Variants in TRPA1 observed in about 807,000 individuals in gnomAD.
The protein encoded by TRPA1 is ankyrin-like with transmembrane domains 1.
Under a neutral mutation model 131.3 loss-of-function variants are expected in TRPA1, and 129 were observed. That is an observed-to-expected ratio of 0.98 (90% CI 0.85 to 1.14). TRPA1 has a LOEUF of 1.14. Ranked by LOEUF, TRPA1 falls within the 50% of genes most tolerant of loss-of-function variation. The pLI, the probability that TRPA1 is intolerant of heterozygous loss-of-function variation, is 0.00. For missense variants in TRPA1, 1,304 were observed against 1,354.2 expected (o/e 0.96, Z 0.58); for synonymous variants, 441 against 451.7 (o/e 0.98, Z 0.30).
chr8:72,028,300 G>T (rs1811677594), intron 24 of TRPA1, among the ~76,000 whole-genome samples: 1 of 152,172 alleles, frequency 6.6e-6, no homozygotes, highest in Non-Finnish European at 1.5e-5. Flanking sequence ...TTTCTTTGCT[G>T]GTTTTGAATA....
In TRPA1 at chr8:72,071,778, C is replaced by G; in HGVS notation, c.201G>C (p.Leu67Phe). Residue 67 changes from leucine to phenylalanine, a missense_variant, in exon 2 of 27, where the codon TTG (leucine) becomes TTC (phenylalanine). Transcript: ENST00000262209. ...TTTGGCCTTCTGCTGCAGCATAATG[C>G]AAGAAGAAGGTGTCCATATCGTCAC... is the stretch of plus-strand genomic sequence containing the variant. Reference protein sequence around the residue: ...KRCDDMDTFFLHYAAAEGQIE... With the variant: ...KRCDDMDTFFFHYAAAEGQIE... 1 of 1,613,630 alleles carries G rather than the reference C, an allele frequency of 6.2e-7. No homozygotes were observed. Among genetic ancestry groups the G allele is most frequent in the Non-Finnish European group, 8.5e-7 (1 of 1,179,812 alleles).
rs191346758 is a variant in TRPA1 at position 72,069,334 on chromosome 8, C to T, written c.269-136G>A. On this transcript the variant is annotated intron_variant, in intron 2 of 26. Transcript: ENST00000262209. ...CATCTTTTTATGGAAACTAAAAACA[C>T]AGCTTCAGTTCTAACGAAACATTTA... The T allele has an allele frequency of 6.8e-4, 573 of 844,536 alleles. No homozygotes were observed. In the African/African-American group the frequency reaches 8.3e-3, roughly 12 times the overall value. 52.3% of individuals were successfully genotyped at this position (844,536 alleles called of 1,614,324 possible). A position where few individuals can be genotyped will look rare whatever the true frequency, so the allele number is the denominator to read the frequency against.
chr8:72,032,419 C>A (rs1043545456), intron 23 of TRPA1, among the ~76,000 whole-genome samples: 2 of 152,184 alleles, frequency 1.3e-5, no homozygotes, highest in African/African-American at 4.8e-5. Context: ...ATTGAAAGAA[C>A]TGAGGAAAAA....
intron 17 of TRPA1, among the ~76,000 whole-genome samples, chr8:72,040,440 A>T (rs1435496118): frequency 1.3e-5 from 2 of 152,116 alleles, no homozygotes; most frequent in African/African-American, 4.8e-5. Flanking sequence ...GTGAGCATGT[A>T]GCCAAAATCA....
At chr8:72,025,364 G>A (rs549488152) in intron 25 of TRPA1, among the ~76,000 whole-genome samples, 3 of 152,134 alleles carry the variant, frequency 2.0e-5, no homozygotes, top group Non-Finnish European at 4.4e-5. Flanking sequence ...CTGTGAAGAA[G>A]GTGCCTTGCT....
intron 23 of TRPA1, 123 bp from the exon 24 acceptor site, chr8:72,030,092 T>G: frequency 1.1e-6 from 1 of 900,772 alleles, no homozygotes; most frequent in Non-Finnish European, 1.8e-6. Flanking sequence ...AGTGTATAAA[T>G]AGCATAAGTT....
In TRPA1 at chr8:72,075,370, T is replaced by C. The variant is rs766126346; in HGVS notation, c.40A>G (p.Lys14Glu). The C allele has an allele frequency of 1.2e-6, 2 of 1,611,640 alleles. No homozygotes were observed. The highest frequency in any genetic ancestry group is 8.5e-7 in the Non-Finnish European group (1 of 1,179,798). Residue 14 changes from lysine to glutamate, a missense_variant, in exon 1 of 27, where the codon AAG becomes GAG. By Grantham distance (56) the Lys-to-Glu change is moderately conservative. Transcript: ENST00000262209. ...SLRKMWRPGEKKEPQGVVYED... is the reference protein window; with the variant it reads ...SLRKMWRPGEEKEPQGVVYED... ...TAGACAACGCCCTGGGGCTCCTTCT[T>C]TTCTCCAGGGCGCCACATCTTCCTC...
upstream of TRPA1, among the ~76,000 whole-genome samples, chr8:72,080,456 G>C (rs76256339): frequency 7.3e-3 from 1,112 of 151,532 alleles, 18 homozygotes; most frequent in African/African-American, 0.025. Context: ...CTTTTCATAT[G>C]TTACTGGATT....
chr8:72,081,978 T>C, the TRPA1 span, among the ~76,000 whole-genome samples: 1 of 151,940 alleles, frequency 6.6e-6, no homozygotes, highest in Admixed American at 6.5e-5. Context: ...ATCATTGACA[T>C]TTAATATGAT....
the TRPA1 span, among the ~76,000 whole-genome samples, chr8:72,089,119 T>C: frequency 7.4e-6 from 1 of 135,688 alleles, no homozygotes; most frequent in East Asian, 1.9e-4. Context: ...ATTTTATTAC[T>C]TAACTTAATC....
chr8:72,063,771 A>G (rs1010129666), intron 4 of TRPA1, among the ~76,000 whole-genome samples, 200 bp from the exon 5 acceptor site: 2 of 152,210 alleles, frequency 1.3e-5, no homozygotes, highest in African/African-American at 4.8e-5. Context: ...GATATTTTAT[A>G]TCTTCCAAAG....
At chr8:72,025,925 T>C (rs369103071) in intron 25 of TRPA1, 35 bp downstream of exon 25, 1 of 1,547,988 alleles carries the variant, frequency 6.5e-7, no homozygotes, top group Non-Finnish European at 8.9e-7. Context: ...AACAGTGTCA[T>C]GTTACTGATG....
chr8:72,039,888 G>C (rs1358602773), intron 17 of TRPA1, 91 bp from the exon 18 acceptor site: 1 of 876,214 alleles, frequency 1.1e-6, no homozygotes, highest in Non-Finnish European at 1.9e-6. Flanking sequence ...TTATAACTGT[G>C]TTTGGTATTG....
rs964400098 is a variant in TRPA1, at chr8:72,039,002, T to C, written c.2158A>G (p.Met720Val). 6.2e-6 allele frequency: 10 copies of C among 1,612,754 alleles called. No homozygotes were observed. The African/African-American group carries it at 9.4e-5, about 15-fold the overall frequency. ...AGACAGTAAGATCCTAAATTCATCATATGAGCTCTAAATCCATAAGCCAAC... is the reference window on the plus strand; with the variant it reads ...AGACAGTAAGATCCTAAATTCATCACATGAGCTCTAAATCCATAAGCCAAC... The part of the protein sequence containing the change: ...KWLAYGFRAH[M>V]MNLGSYCLGL... The change falls in exon 19 of 27, where the codon ATG (methionine) becomes GTG (valine). Residue 720 changes from methionine (M) to valine (V), a missense_variant. Transcript: ENST00000262209.
At chr8:72,031,596 A>C (rs1176820829) in intron 23 of TRPA1, among the ~76,000 whole-genome samples, 1 of 150,710 alleles carries the variant, frequency 6.6e-6, no homozygotes. Context: ...CAAAAAAACA[A>C]AAAAAAAACA....
At chr8:72,084,647 A>ATTTTTTTTTT in the TRPA1 span, among the ~76,000 whole-genome samples, 4 of 104,990 alleles carry the variant, frequency 3.8e-5, no homozygotes, top group Non-Finnish European at 7.4e-5. Context: ...TAAAATGATA[A>ATTTTTTTTTT]TTTTTTTTTT....
intron 8 of TRPA1, among the ~76,000 whole-genome samples, chr8:72,059,162 T>C (rs140519476): frequency 4.4e-4 from 67 of 152,334 alleles, no homozygotes; most frequent in Non-Finnish European, 7.9e-4. Context: ...AACACTGATA[T>C]GGATATCCAA....
rs1164142457 is a variant in TRPA1 at position 72,052,622 on chromosome 8, A to G, written c.1788T>C (p.Val596=). Residue 596 remains valine, a synonymous_variant, in exon 14 of 27, where the codon GTT becomes GTC. Transcript: ENST00000262209. ...LALHNKRKEV[V]LTIIRSKRWD... Reference sequence around the variant, plus strand: ...ACCTTTTGCTCCTGATGATCGTAAGAACAACCTCCTTCCTCTTATTGTGAA... The same window carrying G: ...ACCTTTTGCTCCTGATGATCGTAAGGACAACCTCCTTCCTCTTATTGTGAA... The G allele has an allele frequency of 1.9e-5, 31 of 1,613,660 alleles. No individual in the cohort carries two copies. Among genetic ancestry groups the G allele is most frequent in the Non-Finnish European group, 2.5e-5 (30 of 1,179,746 alleles).
At chr8:72,052,386 C>T (rs934909816) in intron 14 of TRPA1, among the ~76,000 whole-genome samples, 2 of 152,168 alleles carry the variant, frequency 1.3e-5, no homozygotes, top group East Asian at 1.9e-4. Context: ...CACACCACTG[C>T]ACTCCAGCCT....
Sources: allele counts gnomAD v4.1 joint callset (sites outside exome capture counted in the v4.1 genomes callset), GRCh38; gene constraint gnomAD v4.1.1; transcripts MANE v1.5; gene names NCBI Gene and HGNC (gene_info 2026-07-23, HGNC 2026-07-21).